RBFOX1: variants seen among roughly 807,000 people sequenced by gnomAD.
RBFOX1 encodes RNA binding protein fox-1 homolog 1.
Under a neutral mutation model 57.7 loss-of-function variants are expected in RBFOX1, and 8 were observed. The observed-to-expected ratio is 0.14, with a 90% CI of 0.08 to 0.25. RBFOX1 has a LOEUF of 0.25. RBFOX1 is among the 10% of genes least tolerant of loss of function. The pLI, the probability that RBFOX1 is intolerant of heterozygous loss-of-function variation, is 1.00. For synonymous variants in RBFOX1, 326 were observed against 222.4 expected (o/e 1.47, Z -4.15); for missense variants, 611 against 548.5 (o/e 1.11, Z -1.14).
intron 1 of RBFOX1, among the ~76,000 whole-genome samples, chr16:5,464,718 GA>G: frequency 6.6e-6 from 1 of 152,336 alleles, no homozygotes; most frequent in South Asian, 2.1e-4. Flanking sequence ...AAGAAGCAAA[GA>G]AAACAGAGCT....
intron 2 of RBFOX1, among the ~76,000 whole-genome samples, chr16:6,504,648 C>G (rs966356724): frequency 6.6e-6 from 1 of 152,152 alleles, no homozygotes; most frequent in African/African-American, 2.4e-5. Context: ...TAGGTATGAC[C>G]TGTCCCACTG....
chr16:5,683,749 G>GTA (rs1468537507), intron 3 of RBFOX1, among the ~76,000 whole-genome samples: 1 of 147,906 alleles, frequency 6.8e-6, no homozygotes, highest in Non-Finnish European at 1.5e-5. Context: ...GTATGTGTGT[G>GTA]TATATATAAT....
At chr16:7,563,821 AG>A (rs1432030110) in intron 5 of RBFOX1, among the ~76,000 whole-genome samples, 1 of 131,226 alleles carries the variant, frequency 7.6e-6, no homozygotes, top group Non-Finnish European at 1.8e-5. Flanking sequence ...CTTTGCAACA[AG>A]AAGAGGAGAA....
intron 4 of RBFOX1, among the ~76,000 whole-genome samples, chr16:7,275,289 A>T (rs2095419085): frequency 6.6e-6 from 1 of 152,166 alleles, no homozygotes; most frequent in South Asian, 2.1e-4. Context: ...TTCCATGAAA[A>T]CTTGATTTCT....
rs374192735 is a variant in RBFOX1 at position 6,286,399 on chromosome 16, T to A, written c.-126-30596T>A. ...TCACAGATCTTGGCATGAGGCCAAG[T>A]CTGTGTCCTACAGCCTGGCTACCTT... is the stretch of plus-strand genomic sequence containing the variant. On this transcript the variant is annotated intron_variant, in intron 1 of 15. Coordinates refer to ENST00000550418, the MANE Select transcript of RBFOX1 (RefSeq NM_018723.4). 9.2e-4 allele frequency among the ~76,000 whole-genome samples: 140 copies of A among 152,342 alleles called. 1 individual carries two copies. The South Asian group carries it at 0.027, about 30-fold the overall frequency.
chr16:6,206,045 T>A (rs554982699), intron 1 of RBFOX1, among the ~76,000 whole-genome samples: 1 of 152,116 alleles, frequency 6.6e-6, no homozygotes, highest in South Asian at 2.1e-4. Context: ...TTCTTTAATG[T>A]GCAAACTGAA....
At chr16:7,342,903 C>T (rs1415131454) in intron 4 of RBFOX1, among the ~76,000 whole-genome samples, 1 of 152,220 alleles carries the variant, frequency 6.6e-6, no homozygotes, top group East Asian at 1.9e-4. Flanking sequence ...TCAGTAGAGT[C>T]GGAAGTTAAT....
intron 5 of RBFOX1, among the ~76,000 whole-genome samples, chr16:7,535,477 G>A (rs1270483659): frequency 6.6e-6 from 1 of 152,186 alleles, no homozygotes; most frequent in African/African-American, 2.4e-5. Flanking sequence ...AAATAAACTG[G>A]GCTAGATGGT....
At chr16:6,994,945 T>TTC in intron 3 of RBFOX1, among the ~76,000 whole-genome samples, 1 of 148,104 alleles carries the variant, frequency 6.8e-6, no homozygotes, top group South Asian at 2.2e-4. Context: ...TTGCATTATT[T>TTC]TGTGTGTGTG....
chr16:5,802,300 G>A (rs909843599), intron 3 of RBFOX1, among the ~76,000 whole-genome samples: 1 of 152,126 alleles, frequency 6.6e-6, no homozygotes, highest in Non-Finnish European at 1.5e-5. Flanking sequence ...TACAAAAGGG[G>A]TGTTTCCACT....
At chr16:5,255,413 C>T (rs1329760281) in intron 1 of RBFOX1, among the ~76,000 whole-genome samples, 1 of 151,766 alleles carries the variant, frequency 6.6e-6, no homozygotes, top group Non-Finnish European at 1.5e-5. Context: ...CCCACCTACC[C>T]ATCTATCCAC....
intron 4 of RBFOX1, among the ~76,000 whole-genome samples, chr16:5,913,112 G>A (rs560080183): frequency 4.1e-4 from 62 of 152,284 alleles, no homozygotes; most frequent in African/African-American, 1.2e-3. Flanking sequence ...TGTTGTGTTA[G>A]CCTCTCTTTC....
chr16:5,675,985 A>T (rs781417822), intron 3 of RBFOX1, among the ~76,000 whole-genome samples: 1 of 152,136 alleles, frequency 6.6e-6, no homozygotes, highest in African/African-American at 2.4e-5. Context: ...GGGATCATTT[A>T]AAAAAAGAAG....
chr16:5,710,751 A>G (rs974695813), intron 3 of RBFOX1, among the ~76,000 whole-genome samples: 12 of 152,124 alleles, frequency 7.9e-5, no homozygotes, highest in Non-Finnish European at 1.8e-4. Context: ...GGAGCCTATT[A>G]CCGGCTCTGT....
At chr16:5,311,259 C>A (rs1486032049) in intron 1 of RBFOX1, among the ~76,000 whole-genome samples, 2 of 152,110 alleles carry the variant, frequency 1.3e-5, no homozygotes, top group African/African-American at 4.8e-5. Flanking sequence ...CACATATACA[C>A]ACACATATAT....
chr16:6,141,986 G>A (rs1226931154), intron 1 of RBFOX1, among the ~76,000 whole-genome samples: 1 of 151,582 alleles, frequency 6.6e-6, no homozygotes, highest in Admixed American at 6.6e-5. Flanking sequence ...TTCAACCTGG[G>A]AGGTGGAGGT....
At chr16:6,264,555 C>T (rs2097721582) in intron 1 of RBFOX1, among the ~76,000 whole-genome samples, 1 of 152,154 alleles carries the variant, frequency 6.6e-6, no homozygotes, top group African/African-American at 2.4e-5. Flanking sequence ...ATCACTACAG[C>T]CACAGGGCCC....
At chr16:7,203,673 G>C (rs1286365900) in intron 4 of RBFOX1, among the ~76,000 whole-genome samples, 5 of 152,130 alleles carry the variant, frequency 3.3e-5, no homozygotes, top group Admixed American at 2.0e-4. Context: ...CTCTATGTGT[G>C]AGCCCTAGTC....
intron 4 of RBFOX1, among the ~76,000 whole-genome samples, chr16:7,249,200 T>G (rs866763687): frequency 2.6e-5 from 4 of 152,218 alleles, no homozygotes; most frequent in African/African-American, 9.6e-5. Flanking sequence ...TTGACTACAT[T>G]TTTAAATGTT....
Sources: gnomAD v4.1 joint callset for allele counts (sites outside exome capture counted in the v4.1 genomes callset) on GRCh38, gnomAD v4.1.1 for gene constraint, MANE v1.5 for transcripts, NCBI Gene and HGNC (gene_info 2026-07-23, HGNC 2026-07-21) for gene names.